The following PLGRKT variants were observed in gnomAD, a reference collection of about 807,000 sequenced individuals.
PLGRKT encodes the protein plasminogen receptor (KT).
Under a neutral mutation model 18.5 loss-of-function variants are expected in PLGRKT, and 22 were observed. The ratio of observed to expected loss-of-function variants is 1.19; its 90% CI spans 0.85 to 1.70. PLGRKT has a LOEUF of 1.70. Ranked by LOEUF, PLGRKT falls within the 40% of genes most tolerant of loss-of-function variation. The pLI is 0.00. For missense variants in PLGRKT, 235 were observed against 174.4 expected (o/e 1.35, Z -1.96); for synonymous variants, 72 against 52.8 (o/e 1.36, Z -1.58).
intron 3 of PLGRKT, among the ~76,000 whole-genome samples, chr9:5,379,607 C>A (rs1426743302): frequency 6.6e-6 from 1 of 151,628 alleles, no homozygotes; most frequent in African/African-American, 2.4e-5. Flanking sequence ...ATCTACAAGC[C>A]AATAAAGTTA....
chr9:5,422,362 T>C (rs1818594239), intron 3 of PLGRKT, among the ~76,000 whole-genome samples: 1 of 152,138 alleles, frequency 6.6e-6, no homozygotes, highest in African/African-American at 2.4e-5. Flanking sequence ...TGGAGTCTCA[T>C]CAAACCTCTA....
Position 5,358,176 on chromosome 9 carries a change from C to G in PLGRKT, c.*63G>C, listed in dbSNP as rs558101515. ...ATCAAAATCTTGAGCATTTAAAAAA[C>G]TGTAAAAACCATGATTCAAGTCAAT... On this transcript the variant is annotated 3_prime_UTR_variant, in exon 6 of 6. Transcript: ENST00000223864. The G allele has an allele frequency of 2.9e-5, 37 of 1,259,178 alleles. No homozygotes were observed. Among genetic ancestry groups the G allele is most frequent in the East Asian group, 2.6e-4 (11 of 41,612 alleles). The allele number at this position is 1,259,178 out of a possible 1,614,324, so 78.0% of individuals were successfully genotyped here. A position where few individuals can be genotyped will look rare whatever the true frequency, so the allele number is the denominator to read the frequency against.
intron 3 of PLGRKT, among the ~76,000 whole-genome samples, chr9:5,379,723 A>T (rs1817700434): frequency 6.6e-6 from 1 of 152,320 alleles, no homozygotes; most frequent in East Asian, 1.9e-4. Context: ...TTTAAACAAC[A>T]AACATCTCAT....
At position 5,378,768 on chromosome 9, in the gene PLGRKT, A is replaced by G. The variant is rs144864896; in HGVS notation, c.82-16880T>C. On this transcript the variant is annotated intron_variant, in intron 3 of 5. Coordinates refer to ENST00000223864, the MANE Select transcript of PLGRKT (RefSeq NM_018465.4). ...TTGGGAATACAAAAAAAAATTACAA[A>G]TTATAAATAATAATGGTAGGATTTA... 1.8e-3 allele frequency among the ~76,000 whole-genome samples: 272 copies of G among 152,336 alleles called. 1 individual carries two copies. Among genetic ancestry groups the G allele is most frequent in the African/African-American group, 6.1e-3 (253 of 41,582 alleles).
intron 3 of PLGRKT, among the ~76,000 whole-genome samples, chr9:5,412,153 T>C (rs1294473352): frequency 6.6e-6 from 1 of 152,184 alleles, no homozygotes; most frequent in African/African-American, 2.4e-5. Context: ...TGCAAGTACA[T>C]ACAGAGACTT....
At chr9:5,408,522 A>G (rs996578544) in intron 3 of PLGRKT, among the ~76,000 whole-genome samples, 1 of 152,358 alleles carries the variant, frequency 6.6e-6, no homozygotes, top group Admixed American at 6.5e-5. Flanking sequence ...GCTCATATGC[A>G]CAAGCAAAGA....
intron 3 of PLGRKT, among the ~76,000 whole-genome samples, chr9:5,401,412 C>A (rs1298766072): frequency 6.6e-6 from 1 of 151,848 alleles, no homozygotes; most frequent in Non-Finnish European, 1.5e-5. Flanking sequence ...GGTAAATATA[C>A]AATAGAACAA....
intron 3 of PLGRKT, among the ~76,000 whole-genome samples, chr9:5,394,056 T>C (rs1817998603): frequency 6.6e-6 from 1 of 152,004 alleles, no homozygotes; most frequent in Admixed American, 6.5e-5. Context: ...AGTGTTGCTA[T>C]TTTTATCATT....
At chr9:5,394,862 T>C (rs1197116290) in intron 3 of PLGRKT, among the ~76,000 whole-genome samples, 1 of 151,884 alleles carries the variant, frequency 6.6e-6, no homozygotes, top group Non-Finnish European at 1.5e-5. Context: ...TAGACTACAG[T>C]GAACTATTTC....
intron 3 of PLGRKT, among the ~76,000 whole-genome samples, chr9:5,377,176 G>C (rs1191965093): frequency 6.6e-6 from 1 of 151,914 alleles, no homozygotes; most frequent in Non-Finnish European, 1.5e-5. Context: ...CACAGTGCTG[G>C]AAAGTGCTTA....
chr9:5,425,391 C>T (rs898290405), intron 3 of PLGRKT, among the ~76,000 whole-genome samples: 5 of 152,094 alleles, frequency 3.3e-5, no homozygotes, highest in Admixed American at 6.6e-5. Flanking sequence ...CAATTTGAAC[C>T]AAAGTCGTAA....
At chr9:5,394,133 C>T (rs6476968) in intron 3 of PLGRKT, among the ~76,000 whole-genome samples, 4 of 151,474 alleles carry the variant, frequency 2.6e-5, no homozygotes, top group Non-Finnish European at 5.9e-5. Flanking sequence ...AGTAACCTTT[C>T]GGAAGTGAAA....
At chr9:5,361,983 T>C in intron 3 of PLGRKT, 95 bp from the exon 4 acceptor site, 2 of 1,207,086 alleles carry the variant, frequency 1.7e-6, no homozygotes, top group Non-Finnish European at 2.4e-6. Context: ...CATTCTTCAA[T>C]TGCTTTAATT....
chr9:5,413,033 G>A (rs548800211), intron 3 of PLGRKT, among the ~76,000 whole-genome samples: 1 of 152,308 alleles, frequency 6.6e-6, no homozygotes, highest in South Asian at 2.1e-4. Flanking sequence ...AAGCAAGACT[G>A]AGATACCACT....
chr9:5,366,860 A>G (rs1029474368), intron 3 of PLGRKT, among the ~76,000 whole-genome samples: 1 of 152,162 alleles, frequency 6.6e-6, no homozygotes, highest in Non-Finnish European at 1.5e-5. Flanking sequence ...GATGCTGCCA[A>G]GAGGCTCCTA....
intron 3 of PLGRKT, among the ~76,000 whole-genome samples, chr9:5,429,905 T>C (rs527784214): frequency 2.0e-5 from 3 of 152,292 alleles, no homozygotes; most frequent in African/African-American, 7.2e-5. Context: ...ATCTCCATTT[T>C]GGGGTGGGTC....
chr9:5,436,786 G>C (rs766627079), intron 1 of PLGRKT, 92 bp from the exon 2 acceptor site: 2 of 152,120 alleles, frequency 1.3e-5, no homozygotes, highest in Non-Finnish European at 2.9e-5. Context: ...CCCCATTCCT[G>C]GCAAAGTCAT....
chr9:5,424,862 G>A (rs1182882042), intron 3 of PLGRKT, among the ~76,000 whole-genome samples: 1 of 150,750 alleles, frequency 6.6e-6, no homozygotes, highest in Non-Finnish European at 1.5e-5. Context: ...TAGAGATGGG[G>A]TTTCACCGTA....
chr9:5,432,662 T>A (rs1361209362), intron 2 of PLGRKT, among the ~76,000 whole-genome samples: 1 of 152,106 alleles, frequency 6.6e-6, no homozygotes, highest in Non-Finnish European at 1.5e-5. Context: ...CACTCCTGAC[T>A]GGTTTTTGTA....
Sources: allele counts gnomAD v4.1 joint callset (sites outside exome capture counted in the v4.1 genomes callset), GRCh38; gene constraint gnomAD v4.1.1; transcripts MANE v1.5; gene names NCBI Gene and HGNC (gene_info 2026-07-23, HGNC 2026-07-21).